The following SLC6A5 variants were observed in gnomAD, a reference collection of about 807,000 sequenced individuals.
The protein encoded by SLC6A5 is solute carrier family 6 member 5, also known as sodium- and chloride-dependent glycine transporter 2.
A neutral mutation model predicts 90.5 loss-of-function variants in SLC6A5; 58 were observed. The observed-to-expected ratio is 0.64, with a 90% CI of 0.52 to 0.80. SLC6A5 has a LOEUF of 0.80. Ranked by LOEUF, SLC6A5 falls within the 30% of genes least tolerant of loss-of-function variation. The pLI is 0.00. For synonymous variants in SLC6A5, 427 were observed against 401.4 expected, an observed-to-expected ratio of 1.06 and a Z score of -0.76; for missense variants, 1,015 against 1,017.6, an observed-to-expected ratio of 1.00 and a Z score of 0.03.
At chr11:20,621,953 G>C (rs573013615) in intron 7 of SLC6A5, among the ~76,000 whole-genome samples, 4 of 152,336 alleles carry the variant, frequency 2.6e-5, no homozygotes, top group African/African-American at 9.6e-5. Context: ...CTGCCTGAGA[G>C]TTGTGGCAAC....
Position 20,606,994 on chromosome 11 carries a change from C to T in SLC6A5, c.680-13C>T. On this transcript the variant is annotated splice_polypyrimidine_tract_variant and intron_variant, in intron 3 of 15. Transcript: ENST00000525748. ...TGCCTCCTAGGGCTCTCACTCCCCA[C>T]TCTCTTTCCAAGGTGCTTTCCTCAT... The T allele has an allele frequency of 6.2e-7, 1 of 1,614,088 alleles. No individual in the cohort carries two copies. Among genetic ancestry groups the T allele is most frequent in the African/African-American group, 1.3e-5 (1 of 75,030 alleles).
In SLC6A5 at chr11:20,634,668, G is replaced by C. The variant is rs140384366; in HGVS notation, c.1625-1639G>C. Reference sequence around the variant, plus strand: ...ACGGTTCACATAGGGAGCCTTCAGAGGCTGGCTCTACAGTCTGTTCAATAA... The same window carrying C: ...ACGGTTCACATAGGGAGCCTTCAGACGCTGGCTCTACAGTCTGTTCAATAA... On this transcript the variant is annotated intron_variant, in intron 10 of 15. Transcript: ENST00000525748. Among the ~76,000 whole-genome samples, 291 of 152,326 alleles carry C rather than the reference G, an allele frequency of 1.9e-3. 1 individual carries two copies. Among genetic ancestry groups the C allele is most frequent in the African/African-American group, 6.7e-3 (279 of 41,564 alleles).
intron 1 of SLC6A5, 51 bp downstream of exon 1, chr11:20,599,726 G>T (rs771999582): frequency 6.2e-7 from 1 of 1,611,522 alleles, no homozygotes; most frequent in East Asian, 2.2e-5. Flanking sequence ...GAGGGGACAG[G>T]GAAAGCAGAT....
Position 20,655,218 on chromosome 11 carries a change from G to T in SLC6A5, c.*350G>T. The T allele has an allele frequency of 2.8e-6, 1 of 362,150 alleles. No homozygotes were observed. Among genetic ancestry groups the T allele is most frequent in the Non-Finnish European group, 5.4e-6 (1 of 185,730 alleles). 22.4% of individuals were successfully genotyped at this position (362,150 alleles called of 1,614,324 possible). The stretch of plus-strand genomic sequence containing the variant: ...GTATCCACTGTGTGATGGCATGGGG[G>T]GTGCCAGTAAGGCATGTATAGAGTG... On this transcript the variant is annotated 3_prime_UTR_variant, in exon 16 of 16. Transcript: ENST00000525748.
intron 13 of SLC6A5, among the ~76,000 whole-genome samples, chr11:20,640,742 T>C (rs568555384): frequency 4.5e-4 from 68 of 152,160 alleles, no homozygotes; most frequent in African/African-American, 1.6e-3. Flanking sequence ...ATCTGTAATT[T>C]ATATCCCAGA....
intron 13 of SLC6A5, among the ~76,000 whole-genome samples, chr11:20,643,514 C>T (rs1284780440): frequency 1.3e-5 from 2 of 152,162 alleles, no homozygotes; most frequent in Admixed American, 6.5e-5. Flanking sequence ...CCGGAAAAGC[C>T]TTAAGAGCTC....
At position 20,608,468 on chromosome 11, in the gene SLC6A5, T is replaced by C. The variant is rs894525918; in HGVS notation, c.985+816T>C. On this transcript the variant is annotated intron_variant, in intron 5 of 15. Transcript: ENST00000525748. ...CAAGTAACTCTCTCTGGATCTGTTT[T>C]CCTTCTCTAAAAAACAGAAATAAAA... 2.0e-5 allele frequency among the ~76,000 whole-genome samples: 3 copies of C among 152,214 alleles called. No homozygotes were observed. The East Asian group carries it at 5.8e-4, about 29-fold the overall frequency.
Position 20,657,296 on chromosome 11 carries a change from C to T in SLC6A5, c.*2428C>T, listed in dbSNP as rs1267402784. 2 of 152,128 alleles carry T rather than the reference C, an allele frequency of 1.3e-5. No individual in the cohort carries two copies. The highest frequency in any genetic ancestry group is 4.8e-5 in the African/African-American group (2 of 41,412). The allele number at this position is 152,128 out of a possible 1,614,324, so 9.4% of individuals were successfully genotyped here. On this transcript the variant is annotated 3_prime_UTR_variant, in exon 16 of 16. Coordinates refer to ENST00000525748, the MANE Select transcript of SLC6A5 (RefSeq NM_004211.5). Reference sequence around the variant, plus strand: ...AACTTAATTGTGAGAACGGAGACCTCATCACTAGCTGCATGTTTTGGATTT... The same window carrying T: ...AACTTAATTGTGAGAACGGAGACCTTATCACTAGCTGCATGTTTTGGATTT...
intron 6 of SLC6A5, among the ~76,000 whole-genome samples, chr11:20,616,261 G>A (rs762040128): frequency 6.6e-6 from 1 of 152,182 alleles, no homozygotes; most frequent in Admixed American, 6.5e-5. Context: ...ACTACCATGG[G>A]GGTATTAGGG....
intron 13 of SLC6A5, among the ~76,000 whole-genome samples, chr11:20,639,700 G>A (rs1303399201): frequency 6.6e-6 from 1 of 152,116 alleles, no homozygotes; most frequent in Non-Finnish European, 1.5e-5. Flanking sequence ...TTAAAATAAA[G>A]GGGGTGGAGT....
At chr11:20,607,967 T>C (rs1852616487) in intron 5 of SLC6A5, among the ~76,000 whole-genome samples, 1 of 152,204 alleles carries the variant, frequency 6.6e-6, no homozygotes, top group South Asian at 2.1e-4. Flanking sequence ...TAACAAGTCG[T>C]TGTAGAATTT....
At position 20,601,350 on chromosome 11, in the gene SLC6A5, A is replaced by G. The variant is rs1205577391; in HGVS notation, c.225A>G (p.Pro75=). The G allele has an allele frequency of 1.2e-6, 2 of 1,600,378 alleles. No homozygotes were observed. The highest frequency in any genetic ancestry group is 4.5e-5 in the East Asian group (2 of 44,404). The part of the protein sequence containing the change: ...ADARACEAER[P]GVGSCKLSSP... Reference sequence around the variant, plus strand: ...CGCGAGCCTGCGAGGCTGAGCGGCCAGGAGTGGGGTCTTGCAAACTCAGTA... The same window carrying G: ...CGCGAGCCTGCGAGGCTGAGCGGCCGGGAGTGGGGTCTTGCAAACTCAGTA... Residue 75 remains proline, a synonymous_variant, in exon 2 of 16, where the codon CCA becomes CCG. Transcript: ENST00000525748.
chr11:20,628,092 A>T lies in SLC6A5; in HGVS notation c.1499+9A>T, dbSNP rs772402697. On this transcript the variant is annotated intron_variant, in intron 9 of 15. Coordinates refer to ENST00000525748, the MANE Select transcript of SLC6A5 (RefSeq NM_004211.5). ...CACAACAACTGCTACAGGTATGTAG[A>T]GGTACTACAAGATCTGGGCATAGCT... 3 of 1,599,112 alleles carry T rather than the reference A, an allele frequency of 1.9e-6. No homozygotes were observed. Among genetic ancestry groups the T allele is most frequent in the Non-Finnish European group, 2.6e-6 (3 of 1,166,318 alleles).
chr11:20,600,390 GA>G (rs1852442808), intron 1 of SLC6A5, among the ~76,000 whole-genome samples: 1 of 147,584 alleles, frequency 6.8e-6, no homozygotes, highest in Non-Finnish European at 1.5e-5. Context: ...AGAAGAAGAA[GA>G]AGAAGAAGAA....
chr11:20,646,840 A>T lies in SLC6A5; in HGVS notation c.1976A>T (p.Gln659Leu), dbSNP rs1376753798. The T allele has an allele frequency of 6.2e-7, 1 of 1,611,756 alleles. No individual in the cohort carries two copies. The highest frequency in any genetic ancestry group is 1.7e-5 in the Admixed American group (1 of 59,970). The change falls in exon 14 of 16, where the codon CAA (glutamine) becomes CTA (leucine). Residue 659 changes from glutamine to leucine, a missense_variant. This residue lies in a region of SLC6A5 where 442 missense variants were observed against 494.3 expected (regional missense o/e 0.89). Coordinates refer to ENST00000525748, the MANE Select transcript of SLC6A5 (RefSeq NM_004211.5). ...TCTGCTTGTCTATTTGCAGGCTTGC[A>T]AAGATTCTGTGAAGATATAGAGATG... ...LVGISYVYGL[Q>L]RFCEDIEMMI...
chr11:20,614,272 A>G (rs967614117), intron 5 of SLC6A5, among the ~76,000 whole-genome samples: 1 of 152,178 alleles, frequency 6.6e-6, no homozygotes, highest in Non-Finnish European at 1.5e-5. Flanking sequence ...TCGAATCCTG[A>G]TTCTCTTCCT....
chr11:20,609,893 G>C (rs1286651181), intron 5 of SLC6A5, among the ~76,000 whole-genome samples: 1 of 152,224 alleles, frequency 6.6e-6, no homozygotes, highest in African/African-American at 2.4e-5. Context: ...GGTTGTAAGA[G>C]AGGCTGCTGT....
At chr11:20,646,439 T>C (rs1392557924) in intron 13 of SLC6A5, among the ~76,000 whole-genome samples, 2 of 152,192 alleles carry the variant, frequency 1.3e-5, no homozygotes, top group Non-Finnish European at 2.9e-5. Context: ...TTTCAGAATA[T>C]GCTCTGTTTA....
chr11:20,654,851 C>T lies in SLC6A5; in HGVS notation c.2377C>T (p.Leu793=), dbSNP rs1341473905. 4 of 1,614,222 alleles carry T rather than the reference C, an allele frequency of 2.5e-6. No individual in the cohort carries two copies. Among genetic ancestry groups the T allele is most frequent in the African/African-American group, 1.3e-5 (1 of 75,078 alleles). ...CAAACTGCCAGTGAAGGATTTGGAA[C>T]TGGGCACTCAGTGCTAGTCCAGTGG... is the stretch of plus-strand genomic sequence containing the variant. The part of the protein sequence containing the change: ...GLKLPVKDLE[L]GTQC Residue 793 remains leucine, a synonymous_variant, in exon 16 of 16, where the codon CTG becomes TTG. Coordinates refer to ENST00000525748, the MANE Select transcript of SLC6A5 (RefSeq NM_004211.5).
Sources: gnomAD v4.1 joint callset for allele counts (sites outside exome capture counted in the v4.1 genomes callset) on GRCh38, gnomAD v4.1.1 for gene constraint, gnomAD v4.1.1 regional missense constraint, MANE v1.5 for transcripts, NCBI Gene and HGNC (gene_info 2026-07-23, HGNC 2026-07-21) for gene names.